COL23A1: variants seen among roughly 807,000 people sequenced by gnomAD.
COL23A1 encodes the protein collagen alpha-1(XXIII) chain.
COL23A1 carries 97 observed loss-of-function variants against 99.3 expected under a neutral mutation model. The ratio of observed to expected loss-of-function variants is 0.98; its 90% CI spans 0.83 to 1.16. The LOEUF (loss-of-function observed/expected upper bound fraction) is 1.16. Ranked by LOEUF, COL23A1 falls within the 50% of genes most tolerant of loss-of-function variation. COL23A1 has a pLI of 0.00. For synonymous variants in COL23A1, 320 were observed against 308.2 expected (o/e 1.04, Z -0.40); for missense variants, 762 against 757.4 (o/e 1.01, Z -0.07).
At chr5:178,570,755 AG>A (rs1398065972) in intron 1 of COL23A1, among the ~76,000 whole-genome samples, 2 of 152,062 alleles carry the variant, frequency 1.3e-5, no homozygotes, top group African/African-American at 4.8e-5. Context: ...GAGCACATGG[AG>A]GGGGGACGCG....
chr5:178,537,993 T>C (rs139673292), intron 2 of COL23A1, among the ~76,000 whole-genome samples: 2 of 152,374 alleles, frequency 1.3e-5, no homozygotes, highest in South Asian at 2.1e-4. Context: ...CGTCCTGTTG[T>C]GACTGGCTTA....
At chr5:178,413,137 T>C (rs980559798) in intron 2 of COL23A1, among the ~76,000 whole-genome samples, 25 of 152,114 alleles carry the variant, frequency 1.6e-4, no homozygotes, top group African/African-American at 5.8e-4. Context: ...GAGCTATGAC[T>C]GTCATAGCAT....
chr5:178,372,773 G>T (rs1025279453), intron 2 of COL23A1, among the ~76,000 whole-genome samples: 6 of 151,882 alleles, frequency 4.0e-5, no homozygotes, highest in Non-Finnish European at 8.8e-5. Flanking sequence ...ACAGGGTTTC[G>T]CCATGTTGCC....
intron 2 of COL23A1, among the ~76,000 whole-genome samples, chr5:178,450,525 G>A (rs1417977977): frequency 6.6e-6 from 1 of 152,090 alleles, no homozygotes; most frequent in Non-Finnish European, 1.5e-5. Context: ...AGTAAGCTGG[G>A]TGTCCACAGC....
At chr5:178,465,295 A>G (rs1756354364) in intron 2 of COL23A1, among the ~76,000 whole-genome samples, 1 of 152,160 alleles carries the variant, frequency 6.6e-6, no homozygotes, top group South Asian at 2.1e-4. Context: ...TGGGACTTAG[A>G]ACACCAGGCT....
intron 1 of COL23A1, among the ~76,000 whole-genome samples, chr5:178,562,916 T>C (rs1762674166): frequency 6.6e-6 from 1 of 152,162 alleles, no homozygotes. Flanking sequence ...TGGTGCATTT[T>C]ACAAACCTCT....
rs747759289 is a variant in COL23A1 at position 178,309,001 on chromosome 5, G to A, written c.362-2082C>T. On this transcript the variant is annotated intron_variant, in intron 2 of 28. Transcript: ENST00000390654. This position sits in a 1 kb window ranked among gnomAD's most constrained non-coding sequence, Gnocchi z 4.7. ...GGCCTCAGGTTGTGCTCGGCCCAGCGAAGCAGTAGGCCCCGGGCCCCAGGC... is the reference window on the plus strand; with the variant it reads ...GGCCTCAGGTTGTGCTCGGCCCAGCAAAGCAGTAGGCCCCGGGCCCCAGGC... 6.6e-5 allele frequency among the ~76,000 whole-genome samples: 10 copies of A among 152,212 alleles called. No individual in the cohort carries two copies. The highest frequency in any genetic ancestry group is 1.3e-4 in the Non-Finnish European group (9 of 68,038).
At chr5:178,523,201 T>TAGAGAGAGAGAGAGAG (rs70997609) in intron 2 of COL23A1, among the ~76,000 whole-genome samples, 20 of 77,630 alleles carry the variant, frequency 2.6e-4, no homozygotes, top group Non-Finnish European at 3.8e-4. Flanking sequence ...TATATATATA[T>TAGAGAGAGAGAGAGAG]AGAGAGAGAG....
intron 2 of COL23A1, among the ~76,000 whole-genome samples, chr5:178,403,140 A>AAAAAC (rs1651539889): frequency 6.8e-6 from 1 of 147,952 alleles, no homozygotes; most frequent in Admixed American, 6.9e-5. Context: ...ATAAAAAATA[A>AAAAAC]ATACCATTTA....
At chr5:178,292,676 A>C (rs2913820) in intron 3 of COL23A1, among the ~76,000 whole-genome samples, 120,071 of 152,016 alleles carry the variant, frequency 0.79, 47,681 homozygotes, top group Non-Finnish European at 0.84. Context: ...TGGTGGTGGC[A>C]GTGGAAGTGG....
chr5:178,462,285 A>G (rs532476065), intron 2 of COL23A1, among the ~76,000 whole-genome samples: 1 of 152,338 alleles, frequency 6.6e-6, no homozygotes, highest in South Asian at 2.1e-4. Context: ...GCTTTTAAAC[A>G]AAAGCAGCTG....
At chr5:178,331,457 T>C (rs994179105) in intron 2 of COL23A1, among the ~76,000 whole-genome samples, 1 of 152,328 alleles carries the variant, frequency 6.6e-6, no homozygotes, top group African/African-American at 2.4e-5. Context: ...AACATGGCAC[T>C]TGTCTTCTGG....
chr5:178,584,572 C>G (rs184677500), intron 1 of COL23A1, among the ~76,000 whole-genome samples: 2 of 152,190 alleles, frequency 1.3e-5, no homozygotes, highest in Admixed American at 1.3e-4. Flanking sequence ...TAAAAGGATC[C>G]AAAGGCATCT....
intron 2 of COL23A1, among the ~76,000 whole-genome samples, chr5:178,548,020 C>T (rs1335375873): frequency 2.8e-5 from 2 of 72,344 alleles, no homozygotes; most frequent in Non-Finnish European, 5.6e-5. Context: ...CACACACACC[C>T]ACCCACAAAC....
intron 2 of COL23A1, among the ~76,000 whole-genome samples, chr5:178,339,496 C>T (rs932237336): frequency 6.6e-6 from 1 of 152,234 alleles, no homozygotes; most frequent in Non-Finnish European, 1.5e-5. Flanking sequence ...CTGCACTGAC[C>T]AGCAGGCAGC....
At chr5:178,363,921 A>G (rs73804468) in intron 2 of COL23A1, among the ~76,000 whole-genome samples, 1 of 152,040 alleles carries the variant, frequency 6.6e-6, no homozygotes, top group African/African-American at 2.4e-5. Context: ...GGGATTTGTC[A>G]CACGTGGTCA....
chr5:178,297,938 C>A (rs1180494857), intron 3 of COL23A1, among the ~76,000 whole-genome samples: 1 of 152,196 alleles, frequency 6.6e-6, no homozygotes, highest in Non-Finnish European at 1.5e-5. Flanking sequence ...GCAAGCTGGG[C>A]ATCCAACAGT....
chr5:178,522,432 A>T (rs1760000106), intron 2 of COL23A1, among the ~76,000 whole-genome samples: 1 of 152,162 alleles, frequency 6.6e-6, no homozygotes, highest in Admixed American at 6.5e-5. Context: ...ACACCCTAGG[A>T]CCGGGGAATA....
intron 2 of COL23A1, among the ~76,000 whole-genome samples, chr5:178,447,950 G>C (rs1767256378): frequency 6.6e-6 from 1 of 152,144 alleles, no homozygotes; most frequent in Admixed American, 6.5e-5. Context: ...CATGAACAGA[G>C]ATTTCATGGC....
Sources: gnomAD v4.1 joint callset for allele counts (sites outside exome capture counted in the v4.1 genomes callset) on GRCh38, gnomAD v4.1.1 for gene constraint, Gnocchi (gnomAD v3.1) non-coding constraint, MANE v1.5 for transcripts, NCBI Gene and HGNC (gene_info 2026-07-23, HGNC 2026-07-21) for gene names.